MYT1L: variants seen among roughly 807,000 people sequenced by gnomAD.
MYT1L encodes the protein myelin transcription factor 1-like protein.
A neutral mutation model predicts 126.7 loss-of-function variants in MYT1L; 12 were observed. That is an observed-to-expected ratio of 0.09 (90% CI 0.06 to 0.15). The LOEUF (loss-of-function observed/expected upper bound fraction) is 0.15, where lower values mean the gene tolerates loss of function less well. Among genes scored for constraint, MYT1L ranks in the 10% least tolerant of loss-of-function variants. The probability of loss-of-function intolerance (pLI) is 1.00; values close to 1 mark genes in which losing one functional copy is unlikely to be tolerated. For missense variants in MYT1L, 979 were observed against 1,585.2 expected (o/e 0.62, Z 6.49); for synonymous variants, 541 against 604.2 (o/e 0.90, Z 1.53).
intron 18 of MYT1L, among the ~76,000 whole-genome samples, chr2:1,879,701 C>T (rs1237480812): frequency 6.6e-6 from 1 of 152,054 alleles, no homozygotes; most frequent in Non-Finnish European, 1.5e-5. Context: ...TCAGTACTTA[C>T]AATTATAAGG....
At chr2:2,032,979 G>A (rs1309472357) in intron 4 of MYT1L, among the ~76,000 whole-genome samples, 8 of 141,708 alleles carry the variant, frequency 5.6e-5, no homozygotes, top group East Asian at 2.2e-4. Context: ...TCTAGAAGGA[G>A]TGCCTTATAC....
Position 2,157,862 on chromosome 2 carries a change from G to C in MYT1L, c.-304+15010C>G, listed in dbSNP as rs2086982907. 1.3e-5 allele frequency among the ~76,000 whole-genome samples: 2 copies of C among 152,128 alleles called. 1 individual carries two copies. The highest frequency in any genetic ancestry group is 4.2e-4 in the South Asian group (2 of 4,818). Reference sequence around the variant, plus strand: ...GGTGCAGCAGTCAGCATCTCTCAAAGGGTAGATCCAGTCTTATGTCCCTAA... The same window carrying C: ...GGTGCAGCAGTCAGCATCTCTCAAACGGTAGATCCAGTCTTATGTCCCTAA... On this transcript the variant is annotated intron_variant, in intron 3 of 24. Coordinates refer to ENST00000647738, the MANE Select transcript of MYT1L (RefSeq NM_001303052.2).
Position 1,796,986 on chromosome 2 carries a change from G to A in MYT1L, c.3277-4522C>T, listed in dbSNP as rs145653656. ...CAACTTCTGGGTGTCCCCTGGGGCC[G>A]AGGGCAAGCTTTTCTTGTCTCTGCT... is the stretch of plus-strand genomic sequence containing the variant. On this transcript the variant is annotated intron_variant, in intron 23 of 24. Coordinates refer to ENST00000647738, the MANE Select transcript of MYT1L (RefSeq NM_001303052.2). 5.9e-5 allele frequency among the ~76,000 whole-genome samples: 9 copies of A among 152,302 alleles called. No individual in the cohort carries two copies. The East Asian group carries it at 1.7e-3, about 29-fold the overall frequency.
At chr2:2,227,186 C>T (rs1446162555) in intron 2 of MYT1L, among the ~76,000 whole-genome samples, 1 of 152,098 alleles carries the variant, frequency 6.6e-6, no homozygotes, top group African/African-American at 2.4e-5. Flanking sequence ...AGGCCTCAGA[C>T]CTTAGACCTT....
At chr2:2,263,056 A>T (rs973094121) in intron 2 of MYT1L, among the ~76,000 whole-genome samples, 3 of 149,688 alleles carry the variant, frequency 2.0e-5, no homozygotes, top group African/African-American at 4.9e-5. Flanking sequence ...AAACACAAAC[A>T]AAATTTCCAG....
chr2:2,068,953 G>A (rs2074253481), intron 3 of MYT1L, among the ~76,000 whole-genome samples: 1 of 151,910 alleles, frequency 6.6e-6, no homozygotes, highest in East Asian at 1.9e-4. Flanking sequence ...GGCCACGGGT[G>A]CCTGGAGTCT....
At chr2:1,854,056 AG>A (rs1451326717) in intron 18 of MYT1L, among the ~76,000 whole-genome samples, 1 of 152,194 alleles carries the variant, frequency 6.6e-6, no homozygotes, top group African/African-American at 2.4e-5. Context: ...CTTTTTAAAA[AG>A]CTTATTAATA....
intron 9 of MYT1L, among the ~76,000 whole-genome samples, chr2:1,927,938 CAT>C (rs2054454123): frequency 6.7e-6 from 1 of 148,168 alleles, no homozygotes; most frequent in Non-Finnish European, 1.5e-5. Flanking sequence ...AACCAAACCA[CAT>C]AAACCATCTA....
At chr2:1,792,607 C>T (rs183240617) in intron 23 of MYT1L, 143 bp from the exon 24 acceptor site, 9 of 883,918 alleles carry the variant, frequency 1.0e-5, no homozygotes, top group East Asian at 5.7e-5. Context: ...CCGTGGCTCA[C>T]GCCTGGAATC....
chr2:2,133,079 G>A (rs933634196), intron 3 of MYT1L, among the ~76,000 whole-genome samples: 2 of 150,884 alleles, frequency 1.3e-5, no homozygotes, highest in Admixed American at 6.6e-5. Flanking sequence ...CGTCTTCTTT[G>A]GGGGGGACGA....
chr2:2,031,566 G>A (rs1370527408), intron 4 of MYT1L, among the ~76,000 whole-genome samples: 3 of 147,152 alleles, frequency 2.0e-5, no homozygotes, highest in Non-Finnish European at 4.5e-5. Flanking sequence ...ATTCTAGAAG[G>A]AGGGCCTTAC....
chr2:2,191,953 C>G (rs1196744928), intron 2 of MYT1L, among the ~76,000 whole-genome samples: 1 of 152,222 alleles, frequency 6.6e-6, no homozygotes, highest in Admixed American at 6.5e-5. Flanking sequence ...CCTACGTTAT[C>G]CATACAGATG....
At chr2:1,908,652 G>A (rs2051445976) in intron 13 of MYT1L, among the ~76,000 whole-genome samples, 2 of 152,218 alleles carry the variant, frequency 1.3e-5, no homozygotes, top group Admixed American at 6.5e-5. Flanking sequence ...ACGCAGCCCC[G>A]CGGGTTGGTC....
intron 3 of MYT1L, among the ~76,000 whole-genome samples, chr2:2,156,861 G>A (rs1029875254): frequency 3.3e-5 from 5 of 152,228 alleles, no homozygotes; most frequent in South Asian, 2.1e-4. Context: ...CAGGATCATC[G>A]GGGAGGTCTC....
chr2:2,135,473 G>A (rs1326735952), intron 3 of MYT1L, among the ~76,000 whole-genome samples: 1 of 152,188 alleles, frequency 6.6e-6, no homozygotes, highest in African/African-American at 2.4e-5. Context: ...AGCAGCATGA[G>A]AACAGGCTAA....
intron 2 of MYT1L, among the ~76,000 whole-genome samples, chr2:2,174,413 A>G (rs765456212): frequency 2.6e-5 from 4 of 152,176 alleles, no homozygotes; most frequent in Admixed American, 6.5e-5. Flanking sequence ...CATCAGACAT[A>G]CCACCTTGAA....
At chr2:1,957,258 T>C (rs2149361501) in intron 8 of MYT1L, among the ~76,000 whole-genome samples, 1 of 152,318 alleles carries the variant, frequency 6.6e-6, no homozygotes, top group Non-Finnish European at 1.5e-5. Context: ...TCTGTTATCT[T>C]TTTTTGAAAG....
At chr2:2,062,020 C>T (rs957277139) in intron 3 of MYT1L, among the ~76,000 whole-genome samples, 11 of 152,198 alleles carry the variant, frequency 7.2e-5, no homozygotes, top group African/African-American at 2.2e-4. Flanking sequence ...CAGGGGGCTG[C>T]GCGGTTTCCC....
chr2:2,229,454 T>C (rs74618808), intron 2 of MYT1L, among the ~76,000 whole-genome samples: 1 of 152,032 alleles, frequency 6.6e-6, no homozygotes, highest in Non-Finnish European at 1.5e-5. Flanking sequence ...CTTTTTTTTT[T>C]GTGTGTGGAT....
Sources: gnomAD v4.1 joint callset for allele counts (sites outside exome capture counted in the v4.1 genomes callset) on GRCh38, gnomAD v4.1.1 for gene constraint, MANE v1.5 for transcripts, NCBI Gene and HGNC (gene_info 2026-07-23, HGNC 2026-07-21) for gene names.